The following TMEM132D variants were observed in gnomAD, a reference collection of about 807,000 sequenced individuals.
The protein encoded by TMEM132D is transmembrane protein 132D, also known as mature OL transmembrane protein.
A neutral mutation model predicts 62.3 loss-of-function variants in TMEM132D; 21 were observed. That is an observed-to-expected ratio of 0.34 (90% CI 0.24 to 0.49). The LOEUF is 0.49. Among genes scored for constraint, TMEM132D ranks in the 20% least tolerant of loss-of-function variants. TMEM132D has a pLI of 0.99. For synonymous variants in TMEM132D, 621 were observed against 575.6 expected (o/e 1.08, Z -1.13); for missense variants, 1,346 against 1,402.8 (o/e 0.96, Z 0.65).
chr12:129,441,633 C>G (rs546623115), intron 3 of TMEM132D, among the ~76,000 whole-genome samples: 38 of 152,318 alleles, frequency 2.5e-4, no homozygotes, highest in Middle Eastern at 3.4e-3. Flanking sequence ...AATCCCACTA[C>G]TGGGTGTATA....
At chr12:129,674,089 T>C (rs1344047029) in intron 2 of TMEM132D, among the ~76,000 whole-genome samples, 1 of 152,150 alleles carries the variant, frequency 6.6e-6, no homozygotes, top group Non-Finnish European at 1.5e-5. Flanking sequence ...GCAAGCCTCC[T>C]TGAGTTTTCT....
intron 4 of TMEM132D, among the ~76,000 whole-genome samples, chr12:129,244,459 T>G (rs1428961410): frequency 6.6e-6 from 1 of 150,706 alleles, no homozygotes; most frequent in African/African-American, 2.4e-5. Flanking sequence ...TCAGCAAACT[T>G]CTTGCTCCTA....
chr12:129,402,022 C>G (rs1871639095), intron 3 of TMEM132D, among the ~76,000 whole-genome samples: 1 of 152,212 alleles, frequency 6.6e-6, no homozygotes. Flanking sequence ...TGAAGCCTGG[C>G]TACGAGGGCT....
At chr12:129,737,414 C>T (rs1018796565) in intron 1 of TMEM132D, among the ~76,000 whole-genome samples, 2 of 152,198 alleles carry the variant, frequency 1.3e-5, no homozygotes, top group Non-Finnish European at 2.9e-5. Context: ...ATATTTCACA[C>T]TGAAACCTTA....
At position 129,074,371 on chromosome 12, in the gene TMEM132D, A is replaced by G. The variant is rs2135602785; in HGVS notation, c.2804T>C (p.Leu935Ser). 2 of 1,614,044 alleles carry G rather than the reference A, an allele frequency of 1.2e-6. No individual in the cohort carries two copies. Among genetic ancestry groups the G allele is most frequent in the Non-Finnish European group, 1.7e-6 (2 of 1,180,020 alleles). The change falls in exon 9 of 9, where the codon TTG becomes TCG. Residue 935 changes from leucine (L) to serine (S), a missense_variant. Transcript: ENST00000422113. ...TAATGCAAAGGTCACACAGTTTATCAAGAAGACCAAAATGGCCAAACAGAA... is the reference window on the plus strand; with the variant it reads ...TAATGCAAAGGTCACACAGTTTATCGAGAAGACCAAAATGGCCAAACAGAA... ...GVFCLAILVF[L>S]INCVTFALKY... is the part of the protein sequence containing the mutation.
chr12:129,436,352 G>A (rs1872787607), intron 3 of TMEM132D, among the ~76,000 whole-genome samples: 1 of 152,142 alleles, frequency 6.6e-6, no homozygotes, highest in Non-Finnish European at 1.5e-5. Flanking sequence ...GCTACCGCAT[G>A]CATCATCGAA....
intron 7 of TMEM132D, among the ~76,000 whole-genome samples, chr12:129,081,496 C>T (rs548775279): frequency 3.9e-5 from 6 of 152,164 alleles, no homozygotes; most frequent in East Asian, 1.9e-4. Context: ...GATGGGGTTT[C>T]GCCATGTTAC....
At chr12:129,677,776 A>T (rs533385780) in intron 2 of TMEM132D, among the ~76,000 whole-genome samples, 111 of 151,916 alleles carry the variant, frequency 7.3e-4, no homozygotes, top group Admixed American at 1.3e-3. Flanking sequence ...CCTCCCCAGT[A>T]ACACCCTTCA....
At chr12:129,421,254 T>C (rs1023965269) in intron 3 of TMEM132D, among the ~76,000 whole-genome samples, 1 of 152,220 alleles carries the variant, frequency 6.6e-6, no homozygotes, top group African/African-American at 2.4e-5. Flanking sequence ...TGAGCCACCA[T>C]GCCTGGCCTA....
intron 1 of TMEM132D, among the ~76,000 whole-genome samples, chr12:129,790,655 G>A (rs1871378233): frequency 6.6e-6 from 1 of 152,072 alleles, no homozygotes; most frequent in Non-Finnish European, 1.5e-5. Flanking sequence ...GGTAGTTTTG[G>A]AAAAGGCAAC....
intron 3 of TMEM132D, among the ~76,000 whole-genome samples, chr12:129,525,447 G>C (rs1177444129): frequency 6.6e-6 from 1 of 151,776 alleles, no homozygotes; most frequent in East Asian, 1.9e-4. Context: ...GATTCATCTT[G>C]TACTTTGGCA....
intron 1 of TMEM132D, among the ~76,000 whole-genome samples, chr12:129,800,143 T>A (rs992044750): frequency 1.3e-5 from 2 of 152,192 alleles, no homozygotes; most frequent in African/African-American, 4.8e-5. Flanking sequence ...GAGAGTCTCT[T>A]ATCATCTAAT....
intron 1 of TMEM132D, among the ~76,000 whole-genome samples, chr12:129,875,703 C>T (rs143408466): frequency 3.9e-4 from 60 of 152,178 alleles, no homozygotes; most frequent in African/African-American, 1.3e-3. Flanking sequence ...AGGGAGGCAA[C>T]GGGAAAAGCA....
intron 5 of TMEM132D, 129 bp from the exon 6 acceptor site, chr12:129,084,831 G>A: frequency 1.3e-6 from 1 of 779,998 alleles, no homozygotes; most frequent in Non-Finnish European, 2.0e-6. Flanking sequence ...TACTATGGGG[G>A]AGGAGGTCCT....
intron 1 of TMEM132D, among the ~76,000 whole-genome samples, chr12:129,825,535 G>A (rs1490571323): frequency 6.6e-6 from 1 of 152,140 alleles, no homozygotes; most frequent in Non-Finnish European, 1.5e-5. Context: ...AGCCTCCCCT[G>A]CCATGCCCTG....
chr12:129,163,931 G>T (rs931541787), intron 5 of TMEM132D, among the ~76,000 whole-genome samples: 3 of 152,226 alleles, frequency 2.0e-5, no homozygotes, highest in African/African-American at 4.8e-5. Flanking sequence ...ACACTGAGAT[G>T]TCCCAGCCGG....
chr12:129,385,098 T>C (rs1189220065), intron 3 of TMEM132D, among the ~76,000 whole-genome samples: 2 of 144,338 alleles, frequency 1.4e-5, no homozygotes, highest in Admixed American at 6.9e-5. Flanking sequence ...TTTTTTTTTT[T>C]TTTTTTTTTT....
chr12:129,800,005 T>C (rs1242158047), intron 1 of TMEM132D, among the ~76,000 whole-genome samples: 2 of 152,188 alleles, frequency 1.3e-5, no homozygotes, highest in African/African-American at 4.8e-5. Context: ...GGCACGTGCG[T>C]ACAGTCATTT....
At chr12:129,449,722 T>G (rs1358816482) in intron 3 of TMEM132D, among the ~76,000 whole-genome samples, 1 of 152,124 alleles carries the variant, frequency 6.6e-6, no homozygotes, top group Non-Finnish European at 1.5e-5. Context: ...AATCCAGTAT[T>G]TTAAAATTTG....
Sources: gnomAD v4.1 joint callset for allele counts (sites outside exome capture counted in the v4.1 genomes callset) on GRCh38, gnomAD v4.1.1 for gene constraint, MANE v1.5 for transcripts, NCBI Gene and HGNC (gene_info 2026-07-23, HGNC 2026-07-21) for gene names.